The following PDE9A variants were observed in gnomAD, a reference collection of about 807,000 sequenced individuals.
The protein encoded by PDE9A is high affinity cGMP-specific 3',5'-cyclic phosphodiesterase 9A.
Under a neutral mutation model 87.4 loss-of-function variants are expected in PDE9A, and 60 were observed. The ratio of observed to expected loss-of-function variants is 0.69; its 90% CI spans 0.56 to 0.85. The LOEUF (loss-of-function observed/expected upper bound fraction) is 0.85, where lower values mean the gene tolerates loss of function less well. Among genes scored for constraint, PDE9A ranks in the 40% least tolerant of loss-of-function variants. The pLI is 0.00. For synonymous variants in PDE9A, 272 were observed against 279.4 expected, an observed-to-expected ratio of 0.97 and a Z score of 0.27; for missense variants, 665 against 779.0, an observed-to-expected ratio of 0.85 and a Z score of 1.74.
intron 7 of PDE9A, among the ~76,000 whole-genome samples, chr21:42,736,030 A>C (rs1441209425): frequency 6.6e-6 from 1 of 152,040 alleles, no homozygotes; most frequent in Non-Finnish European, 1.5e-5. Flanking sequence ...CCACGCAGTC[A>C]CTACGGGGCG....
rs906229063 is a variant in PDE9A at position 42,696,133 on chromosome 21, A to T, written c.219-2835A>T. ...ATGGGCTTGAAGGGGGCTGGACTCCATTTGGGTGGATGAGCAGGCCCAGTG... is the reference window on the plus strand; with the variant it reads ...ATGGGCTTGAAGGGGGCTGGACTCCTTTTGGGTGGATGAGCAGGCCCAGTG... On this transcript the variant is annotated intron_variant, in intron 3 of 19. Transcript: ENST00000291539. The surrounding 1 kb of genome is among the most constrained non-coding windows in gnomAD (Gnocchi z 5.1). Among the ~76,000 whole-genome samples the T allele has an allele frequency of 6.6e-6, 1 of 152,102 alleles. No individual in the cohort carries two copies. Among genetic ancestry groups the T allele is most frequent in the Non-Finnish European group, 1.5e-5 (1 of 68,002 alleles).
rs992438946 is a variant in PDE9A at position 42,659,015 on chromosome 21, A to G, written c.69+5132A>G. On this transcript the variant is annotated intron_variant, in intron 1 of 19. Transcript: ENST00000291539. The surrounding 1 kb of genome is among the most constrained non-coding windows in gnomAD (Gnocchi z 4.1). ...TTGAAGCTGGGCTGTGAAAAGTAGTAAGAACCCTCGGTTTTTGGTTCCTTT... is the reference window on the plus strand; with the variant it reads ...TTGAAGCTGGGCTGTGAAAAGTAGTGAGAACCCTCGGTTTTTGGTTCCTTT... Among the ~76,000 whole-genome samples the G allele has an allele frequency of 6.6e-6, 1 of 152,128 alleles. No individual in the cohort carries two copies. Among genetic ancestry groups the G allele is most frequent in the African/African-American group, 2.4e-5 (1 of 41,422 alleles).
In PDE9A at chr21:42,687,943, CCGA is replaced by C. The variant is rs773433093; in HGVS notation, c.173_175del (p.Asp58del). On this transcript the variant is annotated inframe_deletion, in exon 3 of 20. Transcript: ENST00000291539. ...AACACGACCATCTCCCTGCTGACCA[CCGA>C]CGACGCCATGGTCTCCATCGACCCC... is the stretch of plus-strand genomic sequence containing the variant. The C allele has an allele frequency of 2.5e-6, 4 of 1,613,072 alleles. No individual in the cohort carries two copies. The African/African-American group carries it at 5.3e-5, about 22-fold the overall frequency.
chr21:42,771,584 C>T (rs113585824), intron 18 of PDE9A, among the ~76,000 whole-genome samples: 4 of 152,340 alleles, frequency 2.6e-5, no homozygotes, highest in African/African-American at 4.8e-5. Context: ...CTCCAAGGCC[C>T]GTCAGTCAGG....
intron 1 of PDE9A, among the ~76,000 whole-genome samples, chr21:42,670,208 C>T (rs1007680452): frequency 1.4e-4 from 17 of 117,494 alleles, no homozygotes; most frequent in African/African-American, 8.1e-4. Context: ...CACACATACA[C>T]TTACATTCAC....
chr21:42,682,664 G>A (rs1185145495), intron 1 of PDE9A, among the ~76,000 whole-genome samples: 1 of 152,190 alleles, frequency 6.6e-6, no homozygotes, highest in Non-Finnish European at 1.5e-5. Context: ...CCAAAACCCT[G>A]GCCTGCCAGA....
At chr21:42,662,700 A>G (rs1282998282) in intron 1 of PDE9A, among the ~76,000 whole-genome samples, 1 of 143,526 alleles carries the variant, frequency 7.0e-6, no homozygotes, top group Non-Finnish European at 1.5e-5. Flanking sequence ...TGCACACACC[A>G]TGCACACGCA....
intron 3 of PDE9A, among the ~76,000 whole-genome samples, chr21:42,690,341 G>A (rs936035831): frequency 3.3e-5 from 5 of 151,748 alleles, no homozygotes; most frequent in Admixed American, 6.6e-5. Context: ...ATCTAACCGG[G>A]TACAGGTGAT....
Position 42,660,735 on chromosome 21 carries a change from G to C in PDE9A, c.69+6852G>C, listed in dbSNP as rs573530509. ...CTGTATTCCTGGCACTGCGGGCACA[G>C]TCATGCCATGGGCACCAGGGACGCC... On this transcript the variant is annotated intron_variant, in intron 1 of 19. Coordinates refer to ENST00000291539, the MANE Select transcript of PDE9A (RefSeq NM_002606.3). This position sits in a 1 kb window ranked among gnomAD's most constrained non-coding sequence, Gnocchi z 4.7. Among the ~76,000 whole-genome samples, 1 of 152,170 alleles carries C rather than the reference G, an allele frequency of 6.6e-6. No homozygotes were observed. The highest frequency in any genetic ancestry group is 1.5e-5 in the Non-Finnish European group (1 of 68,040).
chr21:42,771,200 G>C (rs2056994947), intron 18 of PDE9A, among the ~76,000 whole-genome samples: 1 of 152,194 alleles, frequency 6.6e-6, no homozygotes, highest in Non-Finnish European at 1.5e-5. Flanking sequence ...GGGGTAGAAA[G>C]GGGCCCTCCC....
intron 1 of PDE9A, among the ~76,000 whole-genome samples, chr21:42,685,349 A>G (rs1303386140): frequency 6.6e-6 from 1 of 152,198 alleles, no homozygotes; most frequent in Non-Finnish European, 1.5e-5. Flanking sequence ...GTTTCTCTGC[A>G]GGCGCCAGTT....
chr21:42,758,741 A>C, intron 10 of PDE9A: 1 of 438,112 alleles, frequency 2.3e-6, no homozygotes, highest in Non-Finnish European at 4.1e-6. Context: ...TCCACGCCCC[A>C]GGATCCACCT....
At position 42,653,841 on chromosome 21, in the gene PDE9A, G is replaced by A. The variant is rs758454856; in HGVS notation, c.27G>A (p.Arg9=). 1.9e-6 allele frequency: 3 copies of A among 1,570,262 alleles called. No homozygotes were observed. Among genetic ancestry groups the A allele is most frequent in the Non-Finnish European group, 1.7e-6 (2 of 1,159,170 alleles). MGSGSSSY[R]PKAIYLDIDG... ...TGGGATCCGGCTCCTCCAGCTACCG[G>A]CCCAAGGCCATCTACCTGGACATCG... The change falls in exon 1 of 20, where the codon CGG becomes CGA. Residue 9 remains arginine, a synonymous_variant. Transcript: ENST00000291539.
intron 1 of PDE9A, among the ~76,000 whole-genome samples, chr21:42,658,482 T>C (rs1407049851): frequency 6.6e-6 from 1 of 152,234 alleles, no homozygotes; most frequent in East Asian, 1.9e-4. Context: ...CCTTAAGCCC[T>C]ACCCGGCTCC....
intron 2 of PDE9A, among the ~76,000 whole-genome samples, chr21:42,686,671 C>T (rs550659683): frequency 1.3e-5 from 2 of 152,080 alleles, no homozygotes; most frequent in Non-Finnish European, 2.9e-5. Flanking sequence ...AAAAATTAGC[C>T]GGGCGTGGTG....
chr21:42,667,595 G>T (rs1287287874), intron 1 of PDE9A, among the ~76,000 whole-genome samples: 4 of 152,168 alleles, frequency 2.6e-5, no homozygotes, highest in South Asian at 4.2e-4. Context: ...TTCTCAGATG[G>T]TCTTGGACTG....
At chr21:42,745,322 G>C (rs2053733117) in intron 8 of PDE9A, among the ~76,000 whole-genome samples, 1 of 152,230 alleles carries the variant, frequency 6.6e-6, no homozygotes, top group Non-Finnish European at 1.5e-5. Context: ...CCACGTGTCT[G>C]TCCCATGCAC....
At position 42,653,793 on chromosome 21, in the gene PDE9A, G is replaced by C. The variant is rs1366160648; in HGVS notation, c.-22G>C. 6 of 1,468,566 alleles carry C rather than the reference G, an allele frequency of 4.1e-6. No homozygotes were observed. Among genetic ancestry groups the C allele is most frequent in the Non-Finnish European group, 4.5e-6 (5 of 1,101,302 alleles). 91.0% of individuals were successfully genotyped at this position (1,468,566 alleles called of 1,614,324 possible). On this transcript the variant is annotated 5_prime_UTR_variant, in exon 1 of 20. Transcript: ENST00000291539. ...GTCGGGAAAGTACAGTAAAAAGTCC[G>C]AGTGCAGCCGCCGGGCGCAGGATGG...
rs1394292964 is a variant in PDE9A, at chr21:42,758,828, T to C, written c.811-171T>C. On this transcript the variant is annotated intron_variant, in intron 10 of 19. Coordinates refer to ENST00000291539, the MANE Select transcript of PDE9A (RefSeq NM_002606.3). ...GAAAGGCTGGTCTGAAGACCTCTCT[T>C]CCCATGTCTGCCGACCAGGCTTTGC... The C allele has an allele frequency of 1.0e-5, 6 of 583,908 alleles. No individual in the cohort carries two copies. The East Asian group carries it at 1.2e-4, about 11-fold the overall frequency. 36.2% of individuals were successfully genotyped at this position (583,908 alleles called of 1,614,324 possible).
Sources: allele counts gnomAD v4.1 joint callset (sites outside exome capture counted in the v4.1 genomes callset), GRCh38; gene constraint gnomAD v4.1.1; non-coding constraint Gnocchi (gnomAD v3.1); transcripts MANE v1.5; gene names NCBI Gene and HGNC (gene_info 2026-07-23, HGNC 2026-07-21).